Variants in SPTA1 observed in about 807,000 individuals in gnomAD.
SPTA1 encodes spectrin alpha, erythrocytic 1.
In SPTA1, 177 loss-of-function variants were observed where a neutral mutation model predicts 324.7. That is an observed-to-expected ratio of 0.55 (90% CI 0.48 to 0.62). SPTA1 has a LOEUF of 0.62. SPTA1 is among the 20% of genes least tolerant of loss of function. SPTA1 has a pLI of 0.00. For synonymous variants in SPTA1, 1,195 were observed against 1,041.3 expected (o/e 1.15, Z -2.84); for missense variants, 3,162 against 2,883.6 (o/e 1.10, Z -2.21).
intron 42 of SPTA1, 60 bp from the exon 43 acceptor site, chr1:158,623,252 T>C: frequency 7.1e-7 from 1 of 1,413,136 alleles, no homozygotes; most frequent in South Asian, 1.2e-5. Flanking sequence ...CATTCACATC[T>C]GGGTTCCACC....
chr1:158,664,360 G>A (rs902637822), intron 16 of SPTA1, among the ~76,000 whole-genome samples: 3 of 152,142 alleles, frequency 2.0e-5, no homozygotes, highest in African/African-American at 4.8e-5. Flanking sequence ...AAAAAAGAAT[G>A]AGTTCATGTC....
At chr1:158,684,014 A>G (rs1655000144) in intron 2 of SPTA1, among the ~76,000 whole-genome samples, 1 of 151,908 alleles carries the variant, frequency 6.6e-6, no homozygotes, top group Non-Finnish European at 1.5e-5. Flanking sequence ...GGTGAATAGA[A>G]AGGGGTAGGC....
rs370008883 is a variant in SPTA1 at position 158,645,622 on chromosome 1, C to A, written c.3897-28G>T. On this transcript the variant is annotated intron_variant, in intron 27 of 51. Transcript: ENST00000643759. ...AGATAAACAGACACATTGGAATTGA[C>A]AAGAAAACCTTGCAACTTGCTACAG... The A allele has an allele frequency of 3.7e-6, 6 of 1,612,646 alleles. No homozygotes were observed. In the African/African-American group the frequency reaches 8.0e-5, roughly 22 times the overall value.
chr1:158,662,874 T>G lies in SPTA1; in HGVS notation c.2292A>C (p.Ile764=). The change falls in exon 17 of 52, where the codon ATA becomes ATC. Residue 764 remains isoleucine (I), a synonymous_variant. Coordinates refer to ENST00000643759, the MANE Select transcript of SPTA1 (RefSeq NM_003126.4). ...ATACCAAGGACTCTTGCCTTGCCCT[T>G]ATATCCTTAGAATCAGGATGGCCTA... ...EEIGHPDSKD[I]RARQESLVCR... 1.2e-6 allele frequency: 2 copies of G among 1,614,136 alleles called. No homozygotes were observed. The highest frequency in any genetic ancestry group is 1.7e-6 in the Non-Finnish European group (2 of 1,179,992).
chr1:158,661,368 T>C lies in SPTA1; in HGVS notation c.2506A>G (p.Arg836Gly), dbSNP rs201844450. The change falls in exon 18 of 52, where the codon AGA (arginine) becomes GGA (glycine). Residue 836 changes from arginine (R) to glycine (G), a missense_variant. Arg to Gly is a moderately radical substitution (Grantham distance 125). Transcript: ENST00000643759. ...CTGGCAATGTTCTCCAGGATGACTCTATGCCTATTCAGAAGCTTTTTGGAA... is the reference window on the plus strand; with the variant it reads ...CTGGCAATGTTCTCCAGGATGACTCCATGCCTATTCAGAAGCTTTTTGGAA... ...IASKKLLNRH[R>G]VILENIASHE... 234 of 1,613,854 alleles carry C rather than the reference T, an allele frequency of 1.4e-4. No individual in the cohort carries two copies. The highest frequency in any genetic ancestry group is 3.0e-4 in the Admixed American group (18 of 59,994).
intron 39 of SPTA1, among the ~76,000 whole-genome samples, chr1:158,631,046 C>T: frequency 6.6e-6 from 1 of 152,018 alleles, no homozygotes; most frequent in East Asian, 1.9e-4. Flanking sequence ...CTAGTACAAC[C>T]ACTATAAAAA....
rs1325801403 is a variant in SPTA1, at chr1:158,652,467, C to T, written c.3375G>A (p.Lys1125=). The change falls in exon 23 of 52, where the codon AAG becomes AAA. Residue 1125 remains lysine, a splice_region_variant and synonymous_variant. Transcript: ENST00000643759. ...TCAAGAGAAGGTTCCTCTTTCTCAC[C>T]TTTTGGAACTCATCAAACTTTTTCT... ...ELQKKFDEFQ[K]DLNTNEPRLR... 2 of 1,613,992 alleles carry T rather than the reference C, an allele frequency of 1.2e-6. No homozygotes were observed. Among genetic ancestry groups the T allele is most frequent in the Non-Finnish European group, 1.7e-6 (2 of 1,180,022 alleles).
intron 43 of SPTA1, 84 bp downstream of exon 43, chr1:158,622,899 C>A (rs1230925067): frequency 3.3e-5 from 41 of 1,226,708 alleles, no homozygotes; most frequent in South Asian, 2.4e-5. Context: ...ATTATCCAAA[C>A]TGAGTTTCCA....
intron 35 of SPTA1, 122 bp from the exon 36 acceptor site, chr1:158,638,363 G>C (rs138953871): frequency 4.2e-6 from 4 of 957,584 alleles, no homozygotes; most frequent in Non-Finnish European, 6.5e-6. Context: ...AAGACATGGA[G>C]TTTGATTATG....
chr1:158,651,430 G>A lies in SPTA1; in HGVS notation c.3414C>T (p.Asn1138=), dbSNP rs1298059853. 6.2e-7 allele frequency: 1 copy of A among 1,613,798 alleles called. No individual in the cohort carries two copies. Among genetic ancestry groups the A allele is most frequent in the African/African-American group, 1.3e-5 (1 of 74,908 alleles). Residue 1138 remains asparagine, a synonymous_variant, in exon 24 of 52, where the codon AAC becomes AAT. Transcript: ENST00000643759. ...NTNEPRLRDI[N]KVADDLLFEG... is the part of the protein sequence containing the mutation. ...CAAATAGTAGATCATCAGCTACCTT[G>A]TTGATATCCCTTAGCCGAGGCTCAT...
At chr1:158,661,168 T>G in intron 18 of SPTA1, 119 bp downstream of exon 18, 1 of 1,497,880 alleles carries the variant, frequency 6.7e-7, no homozygotes, top group South Asian at 1.1e-5. Context: ...AAAAGAGCAT[T>G]AAGTGGGAAA....
intron 46 of SPTA1, 30 bp downstream of exon 46, chr1:158,618,009 G>T: frequency 1.2e-6 from 2 of 1,601,774 alleles, no homozygotes; most frequent in Non-Finnish European, 1.7e-6. Flanking sequence ...ATATAATAAA[G>T]CAAACATGAT....
rs1651929948 is a variant in SPTA1 at position 158,645,503 on chromosome 1, T to C, written c.3988A>G (p.Arg1330Gly). 2 of 1,613,976 alleles carry C rather than the reference T, an allele frequency of 1.2e-6. No homozygotes were observed. Among genetic ancestry groups the C allele is most frequent in the Non-Finnish European group, 1.7e-6 (2 of 1,179,908 alleles). ...DLTGIEILLE[R>G]HQEHRADMEA... ...GACTTTTGTAGTTTTACCTGATGTC[T>C]CTCCAGCAAGATCTCTATGCCAGTT... The change falls in exon 28 of 52, where the codon AGA becomes GGA. Residue 1330 changes from arginine to glycine, a missense_variant. Arg to Gly is a moderately radical substitution (Grantham distance 125). Transcript: ENST00000643759.
At chr1:158,684,180 C>T (rs557244572) in intron 2 of SPTA1, among the ~76,000 whole-genome samples, 7 of 151,524 alleles carry the variant, frequency 4.6e-5, no homozygotes, top group Admixed American at 1.3e-4. Flanking sequence ...TGATCAGAAA[C>T]GCGTAGGAGC....
chr1:158,645,304 G>A lies in SPTA1; in HGVS notation c.4078C>T (p.His1360Tyr). The part of the protein sequence containing the change: ...DFSAELIDSG[H>Y]HASPEIEKKL... ...TTTTCAATTTCAGGGCTAGCATGGT[G>A]CCCACTGTCGATAAGTTCTGCACTG... The change falls in exon 29 of 52, where the codon CAC becomes TAC. Residue 1360 changes from histidine to tyrosine, a missense_variant. Coordinates refer to ENST00000643759, the MANE Select transcript of SPTA1 (RefSeq NM_003126.4). 6.2e-7 allele frequency: 1 copy of A among 1,613,996 alleles called. No individual in the cohort carries two copies. Among genetic ancestry groups the A allele is most frequent in the Non-Finnish European group, 8.5e-7 (1 of 1,179,950 alleles).
rs775515734 is a variant in SPTA1 at position 158,671,438 on chromosome 1, C to T, written c.1504G>A (p.Glu502Lys). The change falls in exon 12 of 52, where the codon GAG becomes AAG. Residue 502 changes from glutamate (E) to lysine (K), a missense_variant. By Grantham distance (56) the Glu-to-Lys change is moderately conservative (BLOSUM62 1). Transcript: ENST00000643759. ...CTGCCCAGTGAGTTTCCCAGATCCT[C>T]GTTTTCCAGGAAGGCCTGTAGAAGA... ...MSRQEAFLEN[E>K]DLGNSLGSAE... The T allele has an allele frequency of 2.1e-5, 34 of 1,612,702 alleles. No homozygotes were observed. Among genetic ancestry groups the T allele is most frequent in the Admixed American group, 3.3e-5 (2 of 59,962 alleles).
chr1:158,667,949 C>T lies in SPTA1; in HGVS notation c.1947G>A (p.Glu649=). The T allele has an allele frequency of 6.2e-7, 1 of 1,613,964 alleles. No individual in the cohort carries two copies. Among genetic ancestry groups the T allele is most frequent in the Non-Finnish European group, 8.5e-7 (1 of 1,179,986 alleles). Residue 649 remains glutamate (E), a synonymous_variant, in exon 15 of 52, where the codon GAG becomes GAA. Coordinates refer to ENST00000643759, the MANE Select transcript of SPTA1 (RefSeq NM_003126.4). ...CATTGTCAGAGGCATAGTGACCACC[C>T]TCAATCATCTCTTGGCCAGTTTTCT... is the stretch of plus-strand genomic sequence containing the variant. The part of the protein sequence containing the change: ...NIQKTGQEMI[E]GGHYASDNVT...
At chr1:158,682,611 G>T (rs891184249) in intron 3 of SPTA1, among the ~76,000 whole-genome samples, 2 of 152,016 alleles carry the variant, frequency 1.3e-5, no homozygotes, top group Admixed American at 1.3e-4. Flanking sequence ...ATATAGAAAG[G>T]CCAGACCCAG....
At chr1:158,651,310 T>C (rs1348283187) in intron 24 of SPTA1, 57 bp downstream of exon 24, 1 of 1,088,588 alleles carries the variant, frequency 9.2e-7, no homozygotes, top group Non-Finnish European at 1.4e-6. Context: ...TGAAGTGAAA[T>C]GAGGACTCCC....
Sources: allele counts gnomAD v4.1 joint callset (sites outside exome capture counted in the v4.1 genomes callset), GRCh38; gene constraint gnomAD v4.1.1; transcripts MANE v1.5; gene names NCBI Gene and HGNC (gene_info 2026-07-23, HGNC 2026-07-21).